The following PLEKHH1 variants were observed in gnomAD, a reference collection of about 807,000 sequenced individuals.
PLEKHH1 encodes pleckstrin homology, MyTH4 and FERM domain containing H1.
Under a neutral mutation model 160.0 loss-of-function variants are expected in PLEKHH1, and 104 were observed. The ratio of observed to expected loss-of-function variants is 0.65; its 90% CI spans 0.55 to 0.76. PLEKHH1 has a LOEUF of 0.76. PLEKHH1 is among the 30% of genes least tolerant of loss of function. The pLI is 0.00. For synonymous variants in PLEKHH1, 619 were observed against 678.4 expected (o/e 0.91, Z 1.36); for missense variants, 1,427 against 1,724.1 (o/e 0.83, Z 3.05).
At chr14:67,547,961 C>T (rs2034245370) in intron 2 of PLEKHH1, among the ~76,000 whole-genome samples, 1 of 152,170 alleles carries the variant, frequency 6.6e-6, no homozygotes, top group Non-Finnish European at 1.5e-5. Flanking sequence ...TTGCCATGGT[C>T]ACCCAGCCTG....
intron 1 of PLEKHH1, among the ~76,000 whole-genome samples, chr14:67,535,574 G>A (rs1049187460): frequency 1.3e-5 from 2 of 151,788 alleles, no homozygotes; most frequent in African/African-American, 4.8e-5. Flanking sequence ...TAGAGACAGG[G>A]TTTCACCATG....
intron 2 of PLEKHH1, among the ~76,000 whole-genome samples, chr14:67,544,073 T>G (rs535867746): frequency 1.3e-5 from 2 of 152,100 alleles, no homozygotes; most frequent in South Asian, 4.1e-4. Context: ...CTGCATCAAG[T>G]CAGGACTATT....
At position 67,562,876 on chromosome 14, in the gene PLEKHH1, G is replaced by C; in HGVS notation, c.1245G>C (p.Leu415=). The change falls in exon 7 of 29, where the codon CTG becomes CTC. Residue 415 remains leucine (L), a synonymous_variant. Coordinates refer to ENST00000329153, the MANE Select transcript of PLEKHH1 (RefSeq NM_020715.3). The part of the protein sequence containing the change: ...ELGNKPPTPP[L]HQFSSWESRI... ...GTAACAAGCCACCTACACCCCCGCT[G>C]CACCAGTTTTCATCCTGGGTAAGAG... 1 of 1,612,658 alleles carries C rather than the reference G, an allele frequency of 6.2e-7. No homozygotes were observed. Among genetic ancestry groups the C allele is most frequent in the South Asian group, 1.1e-5 (1 of 91,014 alleles).
chr14:67,563,375 G>A (rs1380285337), intron 7 of PLEKHH1, among the ~76,000 whole-genome samples: 1 of 151,694 alleles, frequency 6.6e-6, no homozygotes, highest in African/African-American at 2.4e-5. Context: ...TTCACAGTAG[G>A]TGGTAGGTAA....
rs763019682 is a variant in PLEKHH1, at chr14:67,579,189, C to A, written c.2905C>A (p.Arg969=). 5 of 1,609,580 alleles carry A rather than the reference C, an allele frequency of 3.1e-6. No homozygotes were observed. Among genetic ancestry groups the A allele is most frequent in the Non-Finnish European group, 4.2e-6 (5 of 1,178,516 alleles). ...YCQRAVERTL[R]TGEREARPSR... is the part of the protein sequence containing the mutation. The stretch of plus-strand genomic sequence containing the variant: ...CCAGCGGGCAGTGGAGCGGACCCTG[C>A]GGACCGGGGAGCGGGAAGCCAGGCC... Residue 969 remains arginine, a synonymous_variant, in exon 21 of 29, where the codon CGG becomes AGG. Transcript: ENST00000329153.
intron 9 of PLEKHH1, 43 bp downstream of exon 9, chr14:67,570,055 G>A (rs1050143189): frequency 4.2e-5 from 54 of 1,292,502 alleles, no homozygotes; most frequent in Non-Finnish European, 5.3e-5. Flanking sequence ...CATCAGGAAA[G>A]GCCCCTGGCC....
At position 67,574,129 on chromosome 14, in the gene PLEKHH1, G is replaced by A. The variant is rs2035513110; in HGVS notation, c.1927-113G>A. The A allele has an allele frequency of 2.0e-5, 18 of 902,582 alleles. No individual in the cohort carries two copies. The highest frequency in any genetic ancestry group is 1.1e-4 in the Admixed American group (4 of 35,356). 55.9% of individuals were successfully genotyped at this position (902,582 alleles called of 1,614,324 possible). The stretch of plus-strand genomic sequence containing the variant: ...GGAAAAGAAAGGAGGGAGCACTAGG[G>A]CAGGCAGAAGGCCAGCCCCTTGGGT... On this transcript the variant is annotated intron_variant, in intron 13 of 28. Coordinates refer to ENST00000329153, the MANE Select transcript of PLEKHH1 (RefSeq NM_020715.3). This position sits in a 1 kb window ranked among gnomAD's most constrained non-coding sequence, Gnocchi z 4.2.
intron 1 of PLEKHH1, among the ~76,000 whole-genome samples, chr14:67,537,435 CA>C (rs565373482): frequency 5.3e-5 from 8 of 150,036 alleles, no homozygotes; most frequent in African/African-American, 2.0e-4. Flanking sequence ...AATAATGAGG[CA>C]GGTGGGTCAC....
At chr14:67,579,369 A>G (rs1168037336) in intron 21 of PLEKHH1, 58 bp downstream of exon 21, 1 of 1,331,984 alleles carries the variant, frequency 7.5e-7, no homozygotes, top group East Asian at 2.7e-5. Context: ...TCCAGAGAAT[A>G]CCCCTGGGCC....
At chr14:67,555,143 C>T (rs970967608) in intron 2 of PLEKHH1, among the ~76,000 whole-genome samples, 6 of 152,150 alleles carry the variant, frequency 3.9e-5, no homozygotes, top group Non-Finnish European at 7.3e-5. Context: ...GTCTTGAACT[C>T]CAGGGCTCAA....
chr14:67,579,979 T>G lies in PLEKHH1; in HGVS notation c.3183+103T>G, dbSNP rs1381524681. On this transcript the variant is annotated intron_variant, in intron 22 of 28. Transcript: ENST00000329153. Reference sequence around the variant, plus strand: ...GGTGTCTGACTGTTTGGTAGCTCATTTGGTGCTGAGCCCAAGGTGCTGCCC... The same window carrying G: ...GGTGTCTGACTGTTTGGTAGCTCATGTGGTGCTGAGCCCAAGGTGCTGCCC... 60 of 1,138,962 alleles carry G rather than the reference T, an allele frequency of 5.3e-5. 1 individual carries two copies. The Admixed American group carries it at 1.3e-3, about 26-fold the overall frequency. The allele number at this position is 1,138,962 out of a possible 1,614,324, so 70.6% of individuals were successfully genotyped here.
rs1476775548 is a variant in PLEKHH1 at position 67,581,054 on chromosome 14, C to G, written c.3284+16C>G. ...ACAAGAACAGGTCCTAAGCACTGCA[C>G]GAGGGTGGGGCCAAACACAAGGGCT... is the stretch of plus-strand genomic sequence containing the variant. On this transcript the variant is annotated intron_variant, in intron 23 of 28. Coordinates refer to ENST00000329153, the MANE Select transcript of PLEKHH1 (RefSeq NM_020715.3). 1 of 1,536,324 alleles carries G rather than the reference C, an allele frequency of 6.5e-7. No homozygotes were observed. Among genetic ancestry groups the G allele is most frequent in the Non-Finnish European group, 9.0e-7 (1 of 1,109,280 alleles).
chr14:67,584,882 T>C (rs546831777), intron 26 of PLEKHH1, among the ~76,000 whole-genome samples: 1 of 152,204 alleles, frequency 6.6e-6, no homozygotes, highest in Non-Finnish European at 1.5e-5. Flanking sequence ...TGTACAGAGG[T>C]GTTATAAAGG....
chr14:67,577,182 C>G (rs565169354), intron 17 of PLEKHH1, 120 bp from the exon 18 acceptor site: 3 of 700,898 alleles, frequency 4.3e-6, no homozygotes, highest in East Asian at 5.4e-5. Flanking sequence ...CCAGCACAAC[C>G]CAAGTGTTGA....
At chr14:67,538,178 A>AT (rs922940244) in intron 1 of PLEKHH1, among the ~76,000 whole-genome samples, 6 of 151,988 alleles carry the variant, frequency 3.9e-5, no homozygotes, top group African/African-American at 9.7e-5. Context: ...TTCCCCATTT[A>AT]TTTTTTGCCA....
At chr14:67,565,493 T>A (rs1056706696) in intron 7 of PLEKHH1, among the ~76,000 whole-genome samples, 58 of 152,262 alleles carry the variant, frequency 3.8e-4, no homozygotes, top group Middle Eastern at 3.4e-3. Context: ...GATCCTCCTT[T>A]GTCAGCCATA....
chr14:67,579,430 A>G, intron 21 of PLEKHH1, 119 bp downstream of exon 21: 3 of 824,858 alleles, frequency 3.6e-6, no homozygotes, highest in Non-Finnish European at 5.5e-6. Context: ...AGTAGATATT[A>G]TGAACTCACT....
chr14:67,536,797 C>G (rs1323656801), intron 1 of PLEKHH1, among the ~76,000 whole-genome samples: 1 of 151,870 alleles, frequency 6.6e-6, no homozygotes, highest in Non-Finnish European at 1.5e-5. Context: ...AATCCCAGCA[C>G]TTTGGGAGGC....
At chr14:67,551,845 C>A (rs1252897518) in intron 2 of PLEKHH1, among the ~76,000 whole-genome samples, 1 of 151,946 alleles carries the variant, frequency 6.6e-6, no homozygotes, top group Non-Finnish European at 1.5e-5. Context: ...TTGGCCACTC[C>A]AGCCTGGGCG....
Sources: allele counts gnomAD v4.1 joint callset (sites outside exome capture counted in the v4.1 genomes callset), GRCh38; gene constraint gnomAD v4.1.1; non-coding constraint Gnocchi (gnomAD v3.1); transcripts MANE v1.5; gene names NCBI Gene and HGNC (gene_info 2026-07-23, HGNC 2026-07-21).